The following RAB37 variants were observed in gnomAD, a reference collection of about 807,000 sequenced individuals.
RAB37 encodes the protein RAB37, member RAS oncogene family, also known as ras-related protein Rab-37.
RAB37 carries 29 observed loss-of-function variants against 33.1 expected under a neutral mutation model. That is an observed-to-expected ratio of 0.88 (90% CI 0.65 to 1.20). The LOEUF is 1.20. Ranked by LOEUF, RAB37 falls within the 50% of genes most tolerant of loss-of-function variation. The pLI is 0.00. For synonymous variants in RAB37, 128 were observed against 119.5 expected (o/e 1.07, Z -0.47); for missense variants, 299 against 301.1 (o/e 0.99, Z 0.05).
At chr17:74,696,175 G>T (rs983331953) in intron 1 of RAB37, 1 of 1,597,572 alleles carries the variant, frequency 6.3e-7, no homozygotes, top group East Asian at 2.2e-5. Context: ...TCTCTGGTCC[G>T]ACCTTGGGGG....
chr17:74,710,597 G>C (rs1460831173), intron 1 of RAB37, among the ~76,000 whole-genome samples: 1 of 151,746 alleles, frequency 6.6e-6, no homozygotes, highest in Non-Finnish European at 1.5e-5. Flanking sequence ...GGTGGCTCAC[G>C]CCTGTAATCC....
intron 1 of RAB37, 127 bp downstream of exon 1, chr17:74,737,492 C>A: frequency 9.1e-7 from 1 of 1,099,472 alleles, no homozygotes; most frequent in Non-Finnish European, 1.3e-6. Context: ...GAGAGAGGGT[C>A]AGGACACAGC....
At chr17:74,707,134 T>C (rs759687494) in intron 1 of RAB37, among the ~76,000 whole-genome samples, 1 of 151,934 alleles carries the variant, frequency 6.6e-6, no homozygotes. Flanking sequence ...ACTAGACAAA[T>C]GGGACTCACA....
At chr17:74,722,835 C>T (rs973334485) in intron 1 of RAB37, among the ~76,000 whole-genome samples, 6 of 152,166 alleles carry the variant, frequency 3.9e-5, no homozygotes, top group Admixed American at 6.5e-5. Flanking sequence ...GCAAATCTAT[C>T]GATCTTTTCT....
rs766562014 is a variant in RAB37 at position 74,745,370 on chromosome 17, G to A, written c.631G>A (p.Glu211Lys). Residue 211 changes from glutamate (E) to lysine (K), a missense_variant, in exon 9 of 9, where the codon GAG becomes AAG. By Grantham distance (56) the Glu-to-Lys change is moderately conservative (BLOSUM62 1). Coordinates refer to ENST00000392613, the MANE Select transcript of RAB37 (RefSeq NM_001006638.3). The surrounding 1 kb of genome is among the most constrained non-coding windows in gnomAD (Gnocchi z 4.5). ...CAGCTTCCAGATCCGAGACTATGTAGAGTCCCAGAAGAAGCGCTCCAGCTG... is the reference window on the plus strand; with the variant it reads ...CAGCTTCCAGATCCGAGACTATGTAAAGTCCCAGAAGAAGCGCTCCAGCTG... ...EPSFQIRDYV[E>K]SQKKRSSCCS... 6.8e-5 allele frequency: 109 copies of A among 1,614,156 alleles called. No homozygotes were observed. In the East Asian group the frequency reaches 2.3e-3, roughly 34 times the overall value.
intron 1 of RAB37, chr17:74,712,869 T>A: frequency 6.2e-7 from 1 of 1,613,848 alleles, no homozygotes; most frequent in Non-Finnish European, 8.5e-7. Context: ...AGGGGCATCT[T>A]CTCTTCAGAC....
At chr17:74,712,564 C>A (rs1181429163) in intron 1 of RAB37, among the ~76,000 whole-genome samples, 1 of 152,214 alleles carries the variant, frequency 6.6e-6, no homozygotes, top group African/African-American at 2.4e-5. Flanking sequence ...CCCTGGCCGG[C>A]GGGGCCTACA....
chr17:74,702,931 T>C, intron 1 of RAB37: 1 of 941,200 alleles, frequency 1.1e-6, no homozygotes, highest in East Asian at 2.4e-5. Context: ...CCAAGGAGCA[T>C]GCAGGTCCCA....
chr17:74,718,330 ATAT>A (rs2034194272), intron 1 of RAB37, among the ~76,000 whole-genome samples: 5 of 150,920 alleles, frequency 3.3e-5, no homozygotes, highest in Non-Finnish European at 2.9e-5. Context: ...ATATCATATC[ATAT>A]CATATCATAT....
intron 1 of RAB37, among the ~76,000 whole-genome samples, chr17:74,682,065 C>T (rs929510655): frequency 6.6e-6 from 1 of 152,208 alleles, no homozygotes; most frequent in African/African-American, 2.4e-5. Flanking sequence ...CAGCACTTTC[C>T]AACTTGCAGA....
At chr17:74,683,728 C>T (rs1373189036) in intron 1 of RAB37, among the ~76,000 whole-genome samples, 3 of 152,202 alleles carry the variant, frequency 2.0e-5, no homozygotes, top group Non-Finnish European at 4.4e-5. Context: ...GGCACCTCTG[C>T]CTTCTGATGG....
At chr17:74,739,214 G>A (rs1160410402) in intron 1 of RAB37, among the ~76,000 whole-genome samples, 1 of 152,198 alleles carries the variant, frequency 6.6e-6, no homozygotes, top group Non-Finnish European at 1.5e-5. Flanking sequence ...CTAACCAGCA[G>A]CTGGGAAATT....
intron 1 of RAB37, among the ~76,000 whole-genome samples, chr17:74,681,802 C>A (rs1252154331): frequency 6.6e-6 from 1 of 152,158 alleles, no homozygotes; most frequent in Non-Finnish European, 1.5e-5. Context: ...CCATCCACCA[C>A]CTGCCCCATC....
chr17:74,740,006 AT>A (rs2034572601), intron 1 of RAB37, among the ~76,000 whole-genome samples: 1 of 152,010 alleles, frequency 6.6e-6, no homozygotes, highest in Non-Finnish European at 1.5e-5. Context: ...AAAATAAAAA[AT>A]TAGCCAGGCG....
rs570521560 is a variant in RAB37 at position 74,708,915 on chromosome 17, CAA to C, written c.73-20331_73-20330del. The stretch of plus-strand genomic sequence containing the variant: ...TGGGCGACAGAGCAAGACTCCGTCT[CAA>C]AAAAAAAAAGGAAAATCAATAAGGA... On this transcript the variant is annotated intron_variant, in intron 1 of 7. Transcript: ENST00000340415. Among the ~76,000 whole-genome samples, 6 of 125,202 alleles carry C rather than the reference CAA, an allele frequency of 4.8e-5. No individual in the cohort carries two copies. In the South Asian group the frequency reaches 1.3e-3, roughly 27 times the overall value. The allele number at this position is 125,202 out of a possible 152,430, so 82.1% of individuals were successfully genotyped here. A position where few individuals can be genotyped will look rare whatever the true frequency, so the allele number is the denominator to read the frequency against.
chr17:74,716,266 C>G (rs2034163710), intron 1 of RAB37, among the ~76,000 whole-genome samples: 1 of 152,156 alleles, frequency 6.6e-6, no homozygotes, highest in Non-Finnish European at 1.5e-5. Context: ...GAGATTCTCC[C>G]TGCTCTAACG....
intron 1 of RAB37, among the ~76,000 whole-genome samples, chr17:74,701,143 G>A (rs1217277123): frequency 6.6e-6 from 1 of 152,216 alleles, no homozygotes; most frequent in Non-Finnish European, 1.5e-5. Context: ...GAGGTATTTT[G>A]TTAGGGGCAA....
In RAB37 at chr17:74,738,464, C is replaced by A. The variant is rs1358043095; in HGVS notation, c.93+1099C>A. On this transcript the variant is annotated intron_variant, in intron 1 of 8. Coordinates refer to ENST00000392613, the MANE Select transcript of RAB37 (RefSeq NM_001006638.3). The surrounding 1 kb of genome is among the most constrained non-coding windows in gnomAD (Gnocchi z 5.0). ...CCCCAGGCTGAGGGGGACTGCCTGA[C>A]CTTGTTGCCCTGCAAACCAGCTGGG... Among the ~76,000 whole-genome samples, 1 of 152,200 alleles carries A rather than the reference C, an allele frequency of 6.6e-6. No individual in the cohort carries two copies. The highest frequency in any genetic ancestry group is 1.5e-5 in the Non-Finnish European group (1 of 68,032).
chr17:74,695,593 A>C, intron 1 of RAB37: 1 of 1,321,922 alleles, frequency 7.6e-7, no homozygotes, highest in Non-Finnish European at 1.0e-6. Context: ...TCCTGCAGTG[A>C]CTATGGCTTT....
Sources: gnomAD v4.1 joint callset for allele counts (sites outside exome capture counted in the v4.1 genomes callset) on GRCh38, gnomAD v4.1.1 for gene constraint, Gnocchi (gnomAD v3.1) non-coding constraint, MANE v1.5 for transcripts, NCBI Gene and HGNC (gene_info 2026-07-23, HGNC 2026-07-21) for gene names.